AGBL4: variants seen among roughly 807,000 people sequenced by gnomAD.
The protein encoded by AGBL4 is AGBL carboxypeptidase 4.
In AGBL4, 58 loss-of-function variants were observed where a neutral mutation model predicts 66.4. That is an observed-to-expected ratio of 0.87 (90% confidence interval 0.71 to 1.09). The LOEUF (loss-of-function observed/expected upper bound fraction) is 1.09. Among genes scored for constraint, AGBL4 ranks in the 50% least tolerant of loss-of-function variants. AGBL4 has a pLI of 0.00. For missense variants in AGBL4, 579 were observed against 631.0 expected, an observed-to-expected ratio of 0.92 and a Z score of 0.88; for synonymous variants, 234 against 222.9, an observed-to-expected ratio of 1.05 and a Z score of -0.44.
intron 6 of AGBL4, among the ~76,000 whole-genome samples, chr1:48,800,086 T>C (rs1166575752): frequency 6.6e-6 from 1 of 152,222 alleles, no homozygotes. Context: ...CCAATTCTTC[T>C]TTGAATGCCT....
At chr1:49,206,855 T>C (rs1043792675) in intron 4 of AGBL4, among the ~76,000 whole-genome samples, 1 of 112,010 alleles carries the variant, frequency 8.9e-6, no homozygotes, top group Non-Finnish European at 1.7e-5. Context: ...CATTAGACTT[T>C]AGATGGAGAG....
chr1:49,024,192 T>C (rs1663464347), intron 5 of AGBL4, among the ~76,000 whole-genome samples: 1 of 152,180 alleles, frequency 6.6e-6, no homozygotes, highest in South Asian at 2.1e-4. Context: ...TATGGTTGGC[T>C]CAAGATATAT....
At chr1:48,742,633 T>C in intron 6 of AGBL4, 1 of 1,588,360 alleles carries the variant, frequency 6.3e-7, no homozygotes, top group South Asian at 1.2e-5. Flanking sequence ...CTTGCCATTG[T>C]CTAGGATATA....
chr1:48,608,295 AC>A (rs759493306), intron 9 of AGBL4, among the ~76,000 whole-genome samples: 4 of 152,220 alleles, frequency 2.6e-5, no homozygotes, highest in Admixed American at 6.5e-5. Context: ...GCCTGGGAGC[AC>A]ATGAGAAAGG....
intron 2 of AGBL4, 89 bp from the exon 3 acceptor site, chr1:49,697,526 T>C: frequency 1.8e-6 from 2 of 1,101,630 alleles, no homozygotes; most frequent in Non-Finnish European, 2.5e-6. Flanking sequence ...TCTCTGATAG[T>C]GGCATTTGTC....
chr1:48,676,948 C>A (rs1275938444), intron 6 of AGBL4, among the ~76,000 whole-genome samples: 1 of 152,074 alleles, frequency 6.6e-6, no homozygotes, highest in Non-Finnish European at 1.5e-5. Context: ...AGAAGAGGAC[C>A]AGTGGTCTAG....
intron 4 of AGBL4, among the ~76,000 whole-genome samples, chr1:49,119,297 C>G (rs1006004028): frequency 6.6e-6 from 1 of 152,162 alleles, no homozygotes; most frequent in East Asian, 1.9e-4. Flanking sequence ...GTTAGGGTGT[C>G]GATTTTAGAT....
intron 11 of AGBL4, among the ~76,000 whole-genome samples, chr1:48,573,848 A>T (rs575926886): frequency 6.6e-6 from 1 of 152,340 alleles, no homozygotes; most frequent in East Asian, 1.9e-4. Flanking sequence ...ATTATGTTCC[A>T]GGTAATCTAT....
intron 4 of AGBL4, among the ~76,000 whole-genome samples, chr1:49,163,649 C>T (rs189076387): frequency 1.8e-4 from 27 of 152,094 alleles, no homozygotes; most frequent in African/African-American, 5.3e-4. Flanking sequence ...GATGTATGAA[C>T]GAATTAATAA....
At chr1:48,840,199 C>T (rs1308225998) in intron 6 of AGBL4, among the ~76,000 whole-genome samples, 5 of 152,066 alleles carry the variant, frequency 3.3e-5, no homozygotes, top group African/African-American at 7.2e-5. Context: ...AATTAAAGCC[C>T]ACTTCTCCTG....
intron 6 of AGBL4, among the ~76,000 whole-genome samples, chr1:48,807,661 C>T (rs1645956248): frequency 6.6e-6 from 1 of 152,154 alleles, no homozygotes; most frequent in South Asian, 2.1e-4. Flanking sequence ...CTGACACTCA[C>T]ATTTTCCTTT....
chr1:49,983,256 C>A (rs1026675564), intron 1 of AGBL4, among the ~76,000 whole-genome samples: 1 of 152,228 alleles, frequency 6.6e-6, no homozygotes, highest in African/African-American at 2.4e-5. Flanking sequence ...ACTGTGACAC[C>A]CTCTTTGGGG....
intron 5 of AGBL4, among the ~76,000 whole-genome samples, chr1:48,900,668 T>A (rs1393855885): frequency 1.3e-5 from 2 of 152,168 alleles, no homozygotes; most frequent in Non-Finnish European, 2.9e-5. Context: ...ACTGAAACAA[T>A]TGGTTATCCA....
chr1:49,096,888 A>T (rs1187293502), intron 4 of AGBL4, among the ~76,000 whole-genome samples: 1 of 152,040 alleles, frequency 6.6e-6, no homozygotes, highest in Non-Finnish European at 1.5e-5. Flanking sequence ...GTGGAGAGAG[A>T]TTTGAAAATG....
chr1:49,400,507 T>A (rs1645062011), intron 3 of AGBL4, among the ~76,000 whole-genome samples: 1 of 152,184 alleles, frequency 6.6e-6, no homozygotes, highest in African/African-American at 2.4e-5. Flanking sequence ...TCTTTCCAAT[T>A]CATAAACATG....
chr1:48,600,449 G>T (rs557864437), intron 9 of AGBL4, among the ~76,000 whole-genome samples: 26 of 152,206 alleles, frequency 1.7e-4, no homozygotes, highest in African/African-American at 5.5e-4. Flanking sequence ...GGGTGGTTGT[G>T]TGGGAACCCG....
chr1:49,018,737 C>A (rs1663014070), intron 5 of AGBL4, among the ~76,000 whole-genome samples: 1 of 152,136 alleles, frequency 6.6e-6, no homozygotes, highest in African/African-American at 2.4e-5. Context: ...TTTTCCTCAC[C>A]TACAACATTC....
At chr1:49,412,659 A>T (rs1235759137) in intron 3 of AGBL4, among the ~76,000 whole-genome samples, 1 of 152,184 alleles carries the variant, frequency 6.6e-6, no homozygotes, top group Non-Finnish European at 1.5e-5. Context: ...CTGGCCAGAA[A>T]ATATTTGGAA....
chr1:49,787,581 T>A (rs963338373), intron 2 of AGBL4, among the ~76,000 whole-genome samples: 1 of 151,872 alleles, frequency 6.6e-6, no homozygotes, highest in Admixed American at 6.6e-5. Context: ...GAGTACTATG[T>A]CGGGAGTTTC....
Sources: allele counts gnomAD v4.1 joint callset (sites outside exome capture counted in the v4.1 genomes callset), GRCh38; gene constraint gnomAD v4.1.1; transcripts MANE v1.5; gene names NCBI Gene and HGNC (gene_info 2026-07-23, HGNC 2026-07-21).